Variants in TMEM178B observed in about 807,000 individuals in gnomAD.
The protein encoded by TMEM178B is transmembrane protein 178B.
In TMEM178B, 5 loss-of-function variants were observed where a neutral mutation model predicts 31.0. The ratio of observed to expected loss-of-function variants is 0.16; its 90% CI spans 0.08 to 0.34. The LOEUF (loss-of-function observed/expected upper bound fraction) is 0.34, where lower values mean the gene tolerates loss of function less well. Among genes scored for constraint, TMEM178B ranks in the 10% least tolerant of loss-of-function variants. TMEM178B has a pLI of 1.00. For missense variants in TMEM178B, 275 were observed against 400.3 expected (o/e 0.69, Z 2.67); for synonymous variants, 164 against 164.0 (o/e 1.00, Z 0.00).
At chr7:141,500,878 G>C in the TMEM178B span, among the ~76,000 whole-genome samples, 14,653 of 152,150 alleles carry the variant, frequency 0.096, 2,141 homozygotes, top group African/African-American at 0.32. Flanking sequence ...AAGGACCTCA[G>C]GCTTGTGACG....
At chr7:141,209,467 G>A (rs1308372997) in intron 1 of TMEM178B, among the ~76,000 whole-genome samples, 1 of 152,158 alleles carries the variant, frequency 6.6e-6, no homozygotes, top group African/African-American at 2.4e-5. Flanking sequence ...AAAAGCGGTT[G>A]GATTCTTTGC....
intron 2 of TMEM178B, among the ~76,000 whole-genome samples, chr7:141,257,272 T>C (rs1191758098): frequency 6.6e-6 from 1 of 152,340 alleles, no homozygotes; most frequent in Middle Eastern, 3.4e-3. Flanking sequence ...TGGTTGTTGG[T>C]GATCCTCTAA....
chr7:141,450,401 A>G (rs1801842033), intron 3 of TMEM178B, among the ~76,000 whole-genome samples: 1 of 152,228 alleles, frequency 6.6e-6, no homozygotes, highest in South Asian at 2.1e-4. Context: ...GTTGCTCACA[A>G]TTGTAGAGAG....
chr7:141,465,022 A>G (rs779110537), intron 3 of TMEM178B, among the ~76,000 whole-genome samples: 4 of 152,232 alleles, frequency 2.6e-5, no homozygotes, highest in Non-Finnish European at 4.4e-5. Context: ...CGTTACTAAG[A>G]AGATATGACT....
chr7:141,080,697 A>G (rs1350500278), intron 1 of TMEM178B, among the ~76,000 whole-genome samples: 1 of 152,246 alleles, frequency 6.6e-6, no homozygotes, highest in Non-Finnish European at 1.5e-5. Context: ...GGGCACCATG[A>G]AGGTCTGCCC....
chr7:141,151,357 A>G (rs970769699), intron 1 of TMEM178B, among the ~76,000 whole-genome samples: 3 of 152,212 alleles, frequency 2.0e-5, no homozygotes, highest in African/African-American at 4.8e-5. Flanking sequence ...TTCATTCCAC[A>G]GCTAAAGAAA....
At chr7:141,076,447 T>G (rs141127117) in intron 1 of TMEM178B, among the ~76,000 whole-genome samples, 7 of 152,352 alleles carry the variant, frequency 4.6e-5, no homozygotes, top group African/African-American at 1.7e-4. Flanking sequence ...TTGAATGCCT[T>G]CTAGAATAAG....
intron 2 of TMEM178B, among the ~76,000 whole-genome samples, chr7:141,291,139 T>G (rs966911953): frequency 9.8e-5 from 15 of 152,330 alleles, no homozygotes; most frequent in African/African-American, 3.4e-4. Flanking sequence ...ATAGTGCTGC[T>G]GTTGCTGGAT....
At chr7:141,281,569 A>AGT (rs1798360550) in intron 2 of TMEM178B, among the ~76,000 whole-genome samples, 2 of 152,164 alleles carry the variant, frequency 1.3e-5, no homozygotes, top group Non-Finnish European at 2.9e-5. Flanking sequence ...CTTTCTGTCT[A>AGT]GTGTGAAGGT....
At chr7:141,384,110 G>A (rs538267072) in intron 2 of TMEM178B, among the ~76,000 whole-genome samples, 12 of 152,206 alleles carry the variant, frequency 7.9e-5, no homozygotes, top group Admixed American at 1.3e-4. Flanking sequence ...TGTAGATTCC[G>A]GATATTAGCC....
chr7:141,326,309 A>T (rs1799189485), intron 2 of TMEM178B, among the ~76,000 whole-genome samples: 2 of 152,248 alleles, frequency 1.3e-5, no homozygotes, highest in Admixed American at 6.5e-5. Flanking sequence ...TAATAAAAGA[A>T]ACAAAATTCA....
At chr7:141,311,780 G>A (rs538779175) in intron 2 of TMEM178B, among the ~76,000 whole-genome samples, 229 of 152,340 alleles carry the variant, frequency 1.5e-3, no homozygotes, top group African/African-American at 5.3e-3. Flanking sequence ...AAGGGAGAGT[G>A]AGGACAAAGT....
chr7:141,089,452 C>T (rs572008997), intron 1 of TMEM178B, among the ~76,000 whole-genome samples: 3 of 152,316 alleles, frequency 2.0e-5, no homozygotes, highest in South Asian at 2.1e-4. Flanking sequence ...GACAGTGTGG[C>T]GATTCCTCAT....
chr7:141,275,291 T>C (rs1395602330), intron 2 of TMEM178B, among the ~76,000 whole-genome samples: 1 of 152,226 alleles, frequency 6.6e-6, no homozygotes, highest in Non-Finnish European at 1.5e-5. Context: ...CCAAGTGTAG[T>C]ACCTCTCCTA....
At chr7:141,419,093 AG>A (rs1034116560) in intron 2 of TMEM178B, among the ~76,000 whole-genome samples, 4 of 152,222 alleles carry the variant, frequency 2.6e-5, no homozygotes, top group Non-Finnish European at 5.9e-5. Flanking sequence ...TATTTTTAGT[AG>A]AGATGGGATT....
intron 1 of TMEM178B, among the ~76,000 whole-genome samples, chr7:141,199,160 T>A (rs1053051671): frequency 6.6e-6 from 1 of 152,220 alleles, no homozygotes; most frequent in East Asian, 1.9e-4. Context: ...AAAAATGTCT[T>A]GTTCAAAACA....
At chr7:141,402,512 C>T (rs1212200325) in intron 2 of TMEM178B, among the ~76,000 whole-genome samples, 1 of 152,198 alleles carries the variant, frequency 6.6e-6, no homozygotes, top group Non-Finnish European at 1.5e-5. Context: ...GCTGGTATAC[C>T]TCAGCGTGCC....
intron 2 of TMEM178B, among the ~76,000 whole-genome samples, chr7:141,307,482 T>C (rs1330114777): frequency 1.3e-5 from 2 of 152,184 alleles, no homozygotes; most frequent in Non-Finnish European, 2.9e-5. Flanking sequence ...TCAGTAGGGC[T>C]CCTTTCTGGG....
chr7:141,507,149 C>A, the TMEM178B span, among the ~76,000 whole-genome samples: 2 of 152,172 alleles, frequency 1.3e-5, no homozygotes, highest in Non-Finnish European at 2.9e-5. Context: ...ACCGTGCAAG[C>A]TGTCGGTGCA....
Sources: gnomAD v4.1 joint callset for allele counts (sites outside exome capture counted in the v4.1 genomes callset) on GRCh38, gnomAD v4.1.1 for gene constraint, MANE v1.5 for transcripts, NCBI Gene and HGNC (gene_info 2026-07-23, HGNC 2026-07-21) for gene names.